The following CSMD1 variants were observed in gnomAD, a reference collection of about 807,000 sequenced individuals.
The protein encoded by CSMD1 is CUB and sushi domain-containing protein 1.
Under a neutral mutation model 417.5 loss-of-function variants are expected in CSMD1, and 213 were observed. That is an observed-to-expected ratio of 0.51 (90% CI 0.46 to 0.57). CSMD1 has a LOEUF of 0.57. Among genes scored for constraint, CSMD1 ranks in the 20% least tolerant of loss-of-function variants. The probability of loss-of-function intolerance (pLI) is 0.00; values close to 1 mark genes in which losing one functional copy is unlikely to be tolerated. For synonymous variants in CSMD1, 2,862 were observed against 1,736.8 expected, an observed-to-expected ratio of 1.65 and a Z score of -16.11; for missense variants, 6,923 against 4,529.7, an observed-to-expected ratio of 1.53 and a Z score of -15.17.
intron 5 of CSMD1, among the ~76,000 whole-genome samples, chr8:3,850,865 A>G (rs2129099846): frequency 6.6e-6 from 1 of 152,326 alleles, no homozygotes; most frequent in South Asian, 2.1e-4. Context: ...AGACTCAAGA[A>G]AGAATTTATT....
At position 3,308,346 on chromosome 8, in the gene CSMD1, C is replaced by A; in HGVS notation, c.3789G>T (p.Arg1263Ser). ...AAGGTAGTGGTTTGTCCCACACTCTCCTGTCTCCACTCAAACAGGTCAGGG... is the reference window on the plus strand; with the variant it reads ...AAGGTAGTGGTTTGTCCCACACTCTACTGTCTCCACTCAAACAGGTCAGGG... ...SNTLTCLSGD[R>S]RVWDKPLPSC... Residue 1263 changes from arginine to serine, a missense_variant, in exon 24 of 70, where the codon AGG becomes AGT. Coordinates refer to ENST00000635120, the MANE Select transcript of CSMD1 (RefSeq NM_033225.6). 6.2e-7 allele frequency: 1 copy of A among 1,613,316 alleles called. No homozygotes were observed. The highest frequency in any genetic ancestry group is 8.5e-7 in the Non-Finnish European group (1 of 1,179,478).
intron 1 of CSMD1, among the ~76,000 whole-genome samples, chr8:4,760,759 T>A (rs1245374731): frequency 6.6e-6 from 1 of 152,200 alleles, no homozygotes; most frequent in East Asian, 1.9e-4. Flanking sequence ...TTTTATCAGC[T>A]AAGTTTTAGA....
intron 12 of CSMD1, among the ~76,000 whole-genome samples, chr8:3,446,453 T>C (rs181652742): frequency 5.3e-5 from 8 of 152,338 alleles, no homozygotes; most frequent in African/African-American, 1.9e-4. Flanking sequence ...TGATTCCTAC[T>C]TTGTAGATAA....
At chr8:4,100,126 T>C (rs963568838) in intron 3 of CSMD1, among the ~76,000 whole-genome samples, 2 of 152,180 alleles carry the variant, frequency 1.3e-5, no homozygotes, top group Non-Finnish European at 1.5e-5. Context: ...GGGAAATTAC[T>C]TACTTTTCCC....
Position 4,538,121 on chromosome 8 carries a change from C to G in CSMD1, c.302+99221G>C, listed in dbSNP as rs73661517. ...CAATAAAACCTCAAATAAAATAGAC[C>G]AGAGCCTGTGATGTCATTTGGCACA... On this transcript the variant is annotated intron_variant, in intron 2 of 69. Coordinates refer to ENST00000635120, the MANE Select transcript of CSMD1 (RefSeq NM_033225.6). 2.3e-3 allele frequency among the ~76,000 whole-genome samples: 344 copies of G among 151,966 alleles called. 6 individuals carry two copies. The highest frequency in any genetic ancestry group is 7.8e-3 in the African/African-American group (323 of 41,450).
chr8:3,220,150 C>CAAAAA (rs756296256), intron 28 of CSMD1, among the ~76,000 whole-genome samples: 1 of 114,208 alleles, frequency 8.8e-6, no homozygotes, highest in African/African-American at 3.5e-5. Context: ...AAGACCCTGT[C>CAAAAA]AAAAAAAAAA....
At chr8:4,457,473 A>C (rs1799561193) in intron 2 of CSMD1, among the ~76,000 whole-genome samples, 1 of 152,108 alleles carries the variant, frequency 6.6e-6, no homozygotes, top group Non-Finnish European at 1.5e-5. Context: ...TTATTGGAAA[A>C]GATTACCTGT....
At chr8:4,931,135 A>G (rs538303389) in intron 1 of CSMD1, among the ~76,000 whole-genome samples, 3 of 152,300 alleles carry the variant, frequency 2.0e-5, no homozygotes, top group South Asian at 2.1e-4. Flanking sequence ...GATTGGTTTT[A>G]TTACGTTTTA....
chr8:4,777,672 G>A (rs1489347338), intron 1 of CSMD1, among the ~76,000 whole-genome samples: 1 of 152,186 alleles, frequency 6.6e-6, no homozygotes, highest in African/African-American at 2.4e-5. Flanking sequence ...AGTGATTGCA[G>A]TTTTGCCGTT....
At position 4,874,405 on chromosome 8, in the gene CSMD1, T is replaced by TTTC. The variant is rs1554508003; in HGVS notation, c.85+119926_85+119927insGAA. 8.0e-5 allele frequency among the ~76,000 whole-genome samples: 12 copies of TTTC among 150,374 alleles called. 1 individual carries two copies. In the East Asian group the frequency reaches 2.3e-3, roughly 29 times the overall value. ...CCGATTGTATTTTTTTTTTTTTTTTTCTGAGACGGAGTCTTGCTCTGTCAC... is the reference window on the plus strand; with the variant it reads ...CCGATTGTATTTTTTTTTTTTTTTTTTTCCTGAGACGGAGTCTTGCTCTGTCAC... On this transcript the variant is annotated intron_variant, in intron 1 of 69. Transcript: ENST00000635120.
At position 4,297,913 on chromosome 8, in the gene CSMD1, A is replaced by G. The variant is rs568091294; in HGVS notation, c.415+122040T>C. On this transcript the variant is annotated intron_variant, in intron 3 of 69. Transcript: ENST00000635120. ...GAATGTTTTAAAAGTATATAATCAGAAAGGTTTTTATTAGCAAAGGAAAAT... is the reference window on the plus strand; with the variant it reads ...GAATGTTTTAAAAGTATATAATCAGGAAGGTTTTTATTAGCAAAGGAAAAT... Among the ~76,000 whole-genome samples the G allele has an allele frequency of 3.9e-5, 6 of 152,348 alleles. No homozygotes were observed. The East Asian group carries it at 1.2e-3, about 29-fold the overall frequency.
intron 2 of CSMD1, among the ~76,000 whole-genome samples, chr8:4,433,688 C>G (rs1797995158): frequency 6.6e-6 from 1 of 152,130 alleles, no homozygotes; most frequent in Non-Finnish European, 1.5e-5. Context: ...CAGTCATTCA[C>G]CTGGCATGTG....
At chr8:3,241,315 A>C (rs1482423421) in intron 26 of CSMD1, among the ~76,000 whole-genome samples, 3 of 151,416 alleles carry the variant, frequency 2.0e-5, no homozygotes, top group Non-Finnish European at 4.4e-5. Context: ...CACAACAGTT[A>C]TGGAGGCAAG....
In CSMD1 at chr8:3,243,738, C is replaced by G. The variant is rs1478911048; in HGVS notation, c.4154-13507G>C. 1.3e-5 allele frequency among the ~76,000 whole-genome samples: 2 copies of G among 151,030 alleles called. 1 individual carries two copies. Among genetic ancestry groups the G allele is most frequent in the Admixed American group, 1.3e-4 (2 of 15,132 alleles). On this transcript the variant is annotated intron_variant, in intron 26 of 69. Transcript: ENST00000635120. ...TAAATATAATTATTTATGAAAATTA[C>G]AAATATTATTTATGTATTTATATAA...
chr8:4,914,568 T>C (rs1318423473), intron 1 of CSMD1, among the ~76,000 whole-genome samples: 2 of 122,240 alleles, frequency 1.6e-5, no homozygotes, highest in Non-Finnish European at 3.2e-5. Context: ...ACAGCGAGAC[T>C]CCATCTCCCA....
intron 3 of CSMD1, among the ~76,000 whole-genome samples, chr8:4,288,586 G>T (rs1023080239): frequency 1.3e-5 from 2 of 152,140 alleles, no homozygotes; most frequent in Non-Finnish European, 2.9e-5. Context: ...TCAGCTCTAC[G>T]CATGCAGCTG....
At chr8:4,940,634 G>A (rs756163408) in intron 1 of CSMD1, among the ~76,000 whole-genome samples, 2 of 152,142 alleles carry the variant, frequency 1.3e-5, no homozygotes, top group Non-Finnish European at 2.9e-5. Context: ...TCTCACTTAG[G>A]CATTAGAGGT....
intron 41 of CSMD1, among the ~76,000 whole-genome samples, chr8:3,135,080 C>T (rs190637621): frequency 6.9e-4 from 105 of 152,206 alleles, no homozygotes; most frequent in African/African-American, 2.3e-3. Flanking sequence ...TCCAACACCA[C>T]GCCCAGCTAA....
chr8:3,885,648 T>C (rs1806511366), intron 5 of CSMD1, among the ~76,000 whole-genome samples: 2 of 152,140 alleles, frequency 1.3e-5, no homozygotes, highest in South Asian at 4.1e-4. Context: ...CTGTTCTCTA[T>C]TCCCCCTCAT....
Sources: allele counts gnomAD v4.1 joint callset (sites outside exome capture counted in the v4.1 genomes callset), GRCh38; gene constraint gnomAD v4.1.1; transcripts MANE v1.5; gene names NCBI Gene and HGNC (gene_info 2026-07-23, HGNC 2026-07-21).